Variants in ATF1 observed in about 807,000 individuals in gnomAD.
ATF1 encodes cyclic AMP-dependent transcription factor ATF-1.
In ATF1, 16 loss-of-function variants were observed where a neutral mutation model predicts 34.7. The ratio of observed to expected loss-of-function variants is 0.46; its 90% CI spans 0.31 to 0.70. The LOEUF is 0.70. ATF1 is among the 30% of genes least tolerant of loss of function. ATF1 has a pLI of 0.05. For synonymous variants in ATF1, 105 were observed against 113.1 expected, an observed-to-expected ratio of 0.93 and a Z score of 0.46; for missense variants, 255 against 321.6, an observed-to-expected ratio of 0.79 and a Z score of 1.58.
At chr12:50,780,288 T>C (rs770636828) in intron 2 of ATF1, 50 bp downstream of exon 2, 2 of 1,429,372 alleles carry the variant, frequency 1.4e-6, no homozygotes, top group Non-Finnish European at 2.0e-6. Context: ...ATATTTTATA[T>C]GCAGATTAAT....
chr12:50,772,404 G>A (rs947026559), intron 1 of ATF1, among the ~76,000 whole-genome samples: 2 of 145,602 alleles, frequency 1.4e-5, no homozygotes, highest in South Asian at 2.2e-4. Flanking sequence ...TCGGCTCACC[G>A]CAACCTACGC....
chr12:50,774,143 T>C (rs980369097), intron 1 of ATF1, among the ~76,000 whole-genome samples: 4 of 152,152 alleles, frequency 2.6e-5, no homozygotes, highest in African/African-American at 9.7e-5. Flanking sequence ...GCAATTCTCC[T>C]GCCTCAGCCT....
At chr12:50,778,196 G>T (rs928303370) in intron 1 of ATF1, among the ~76,000 whole-genome samples, 4 of 149,926 alleles carry the variant, frequency 2.7e-5, no homozygotes, top group African/African-American at 9.8e-5. Flanking sequence ...GATCATGGGC[G>T]TGAGCCACCA....
At chr12:50,789,382 A>G (rs1941254287) in intron 2 of ATF1, among the ~76,000 whole-genome samples, 1 of 151,924 alleles carries the variant, frequency 6.6e-6, no homozygotes, top group African/African-American at 2.4e-5. Context: ...ATTTATTTTT[A>G]TTTGTTCCTG....
intron 2 of ATF1, among the ~76,000 whole-genome samples, chr12:50,795,407 C>CT (rs1025588740): frequency 5.9e-5 from 9 of 152,176 alleles, no homozygotes; most frequent in African/African-American, 1.7e-4. Flanking sequence ...AGTCTCATGG[C>CT]TTTAAGGACT....
intron 1 of ATF1, among the ~76,000 whole-genome samples, chr12:50,777,247 A>C (rs753176774): frequency 6.6e-5 from 10 of 151,814 alleles, no homozygotes; most frequent in Admixed American, 2.6e-4. Flanking sequence ...AAAGTAGTAC[A>C]TGTAGTATGG....
intron 2 of ATF1, among the ~76,000 whole-genome samples, chr12:50,781,032 AAAAG>A (rs1941049111): frequency 6.6e-6 from 1 of 152,150 alleles, no homozygotes; most frequent in African/African-American, 2.4e-5. Context: ...AAAATATAAG[AAAAG>A]AAGGTGGACT....
At position 50,780,229 on chromosome 12, in the gene ATF1, T is replaced by G. The variant is rs1419474791; in HGVS notation, c.84T>G (p.Ile28Met). ...SAVQGAHISH[I>M]AQQVSSLSES... Reference sequence around the variant, plus strand: ...TTCAGGGAGCTCACATTTCTCATATTGCTCAACAGGTAAGGGAGGGACTGG... The same window carrying G: ...TTCAGGGAGCTCACATTTCTCATATGGCTCAACAGGTAAGGGAGGGACTGG... Residue 28 changes from isoleucine (I) to methionine (M), a missense_variant, in exon 2 of 7, where the codon ATT becomes ATG. Physicochemically the swap from Ile to Met is conservative, Grantham distance 10. Around this residue, in one of 2 missense-constraint regions of ATF1, gnomAD observed 221 missense variants for 250.7 expected, o/e 0.88. Coordinates refer to ENST00000262053, the MANE Select transcript of ATF1 (RefSeq NM_005171.5). The G allele has an allele frequency of 6.2e-7, 1 of 1,611,390 alleles. No individual in the cohort carries two copies. Among genetic ancestry groups the G allele is most frequent in the Non-Finnish European group, 8.5e-7 (1 of 1,177,938 alleles).
chr12:50,773,444 CTTTTTTTTTTT>C (rs71086476), intron 1 of ATF1, among the ~76,000 whole-genome samples: 1 of 89,568 alleles, frequency 1.1e-5, no homozygotes, highest in Non-Finnish European at 2.0e-5. Context: ...AATTGCCATT[CTTTTTTTTTTT>C]TTTTTTTTTT....
chr12:50,796,185 A>G (rs553527963), intron 3 of ATF1, among the ~76,000 whole-genome samples, 176 bp downstream of exon 3: 41 of 152,352 alleles, frequency 2.7e-4, no homozygotes, highest in African/African-American at 9.1e-4. Context: ...GCTTGAGCCC[A>G]GGAGTTCAAG....
intron 2 of ATF1, among the ~76,000 whole-genome samples, chr12:50,781,625 T>C (rs968846989): frequency 1.3e-5 from 2 of 152,050 alleles, no homozygotes; most frequent in Admixed American, 6.6e-5. Flanking sequence ...TAATTTTTTG[T>C]ATTTTTGGTA....
At chr12:50,809,626 C>T (rs1295691096) in intron 4 of ATF1, 37 bp downstream of exon 4, 1 of 1,557,066 alleles carries the variant, frequency 6.4e-7, no homozygotes, top group Non-Finnish European at 8.7e-7. Context: ...TATAAACACA[C>T]AAAACCTGAC....
chr12:50,816,970 C>T (rs1344735585), intron 6 of ATF1, among the ~76,000 whole-genome samples: 1 of 152,108 alleles, frequency 6.6e-6, no homozygotes, highest in Non-Finnish European at 1.5e-5. Flanking sequence ...CATTTAGATA[C>T]CCTTTATACC....
At chr12:50,811,653 G>A (rs1941740782) in intron 4 of ATF1, among the ~76,000 whole-genome samples, 1 of 145,914 alleles carries the variant, frequency 6.9e-6, no homozygotes, top group Admixed American at 6.9e-5. Flanking sequence ...AAAAAAAGCC[G>A]GGCATCATGG....
chr12:50,783,315 C>T (rs2139654321), intron 2 of ATF1, among the ~76,000 whole-genome samples: 1 of 152,222 alleles, frequency 6.6e-6, no homozygotes, highest in East Asian at 1.9e-4. Context: ...ATCCTTCTGC[C>T]TTATTTGGCT....
At chr12:50,814,601 T>C (rs1236767038) in intron 6 of ATF1, among the ~76,000 whole-genome samples, 162 bp downstream of exon 6, 1 of 152,106 alleles carries the variant, frequency 6.6e-6, no homozygotes, top group Non-Finnish European at 1.5e-5. Flanking sequence ...AAAATTATAA[T>C]GGAGCTAAAA....
At chr12:50,801,619 C>T (rs984280440) in intron 3 of ATF1, among the ~76,000 whole-genome samples, 1 of 152,078 alleles carries the variant, frequency 6.6e-6, no homozygotes, top group African/African-American at 2.4e-5. Flanking sequence ...GTAGTATATG[C>T]CATGACCAAA....
At chr12:50,773,227 A>T (rs1160646750) in intron 1 of ATF1, among the ~76,000 whole-genome samples, 1 of 152,172 alleles carries the variant, frequency 6.6e-6, no homozygotes, top group East Asian at 1.9e-4. Context: ...CAGTGAACAT[A>T]TGTGGGCATG....
intron 1 of ATF1, among the ~76,000 whole-genome samples, chr12:50,764,951 G>A (rs989832940): frequency 1.3e-5 from 2 of 152,222 alleles, no homozygotes; most frequent in African/African-American, 4.8e-5. Context: ...TGTACCCTTT[G>A]GGATGGGCGA....
Sources: gnomAD v4.1 joint callset for allele counts (sites outside exome capture counted in the v4.1 genomes callset) on GRCh38, gnomAD v4.1.1 for gene constraint, gnomAD v4.1.1 regional missense constraint, MANE v1.5 for transcripts, NCBI Gene and HGNC (gene_info 2026-07-23, HGNC 2026-07-21) for gene names.